Variants in MCTP2 observed in about 807,000 individuals in gnomAD.
MCTP2 encodes multiple C2 and transmembrane domain-containing protein 2.
MCTP2 carries 132 observed loss-of-function variants against 111.6 expected under a neutral mutation model. The observed-to-expected ratio is 1.18, with a 90% CI of 1.03 to 1.37. The LOEUF (loss-of-function observed/expected upper bound fraction) is 1.37. MCTP2 is among the 40% of genes most tolerant of loss of function. The probability of loss-of-function intolerance (pLI) is 0.00; values close to 1 mark genes in which losing one functional copy is unlikely to be tolerated. For missense variants in MCTP2, 1,183 were observed against 1,067.9 expected (o/e 1.11, Z -1.50); for synonymous variants, 395 against 387.7 (o/e 1.02, Z -0.22).
intron 4 of MCTP2, among the ~76,000 whole-genome samples, chr15:94,318,506 C>T (rs1194237703): frequency 6.6e-6 from 1 of 152,082 alleles, no homozygotes; most frequent in Non-Finnish European, 1.5e-5. Context: ...AACTCCTGAC[C>T]TTGTGATCTG....
At chr15:94,360,750 A>C (rs2078885814) in intron 10 of MCTP2, among the ~76,000 whole-genome samples, 1 of 151,742 alleles carries the variant, frequency 6.6e-6, no homozygotes, top group Non-Finnish European at 1.5e-5. Flanking sequence ...ATGTTTTGTC[A>C]TTTGGGTGTT....
At chr15:94,323,959 A>G (rs144414385) in intron 4 of MCTP2, among the ~76,000 whole-genome samples, 112 of 152,180 alleles carry the variant, frequency 7.4e-4, no homozygotes, top group Non-Finnish European at 1.3e-3. Context: ...GTTATACAAG[A>G]TGTATTGTTT....
intron 12 of MCTP2, among the ~76,000 whole-genome samples, chr15:94,372,520 G>A (rs540006911): frequency 1.2e-4 from 18 of 152,306 alleles, no homozygotes; most frequent in African/African-American, 2.2e-4. Context: ...GTCAGCGATC[G>A]TGGCCTACGG....
At chr15:94,296,107 A>C (rs145200406) in intron 1 of MCTP2, among the ~76,000 whole-genome samples, 6 of 152,058 alleles carry the variant, frequency 3.9e-5, no homozygotes, top group Admixed American at 2.6e-4. Flanking sequence ...CTGGTTTGAC[A>C]CTTCCCATTT....
rs28432825 is a variant in MCTP2 at position 94,340,387 on chromosome 15, T to A, written c.857+112T>A. ...GACAAAAATAACATATCTGAACAAA[T>A]GAAAGAGAGCTTTAAAGTGTTATAA... On this transcript the variant is annotated intron_variant, in intron 6 of 22. Coordinates refer to ENST00000357742, the MANE Select transcript of MCTP2 (RefSeq NM_001385001.1). 344 of 814,220 alleles carry A rather than the reference T, an allele frequency of 4.2e-4. 3 individuals are homozygous for A. In the African/African-American group the frequency reaches 4.9e-3, roughly 12 times the overall value. 50.4% of individuals were successfully genotyped at this position (814,220 alleles called of 1,614,324 possible).
intron 1 of MCTP2, among the ~76,000 whole-genome samples, chr15:94,244,106 G>T (rs2071460891): frequency 7.5e-6 from 1 of 132,464 alleles, no homozygotes; most frequent in African/African-American, 2.8e-5. Flanking sequence ...ACATACATAT[G>T]TGTATATGTT....
intron 10 of MCTP2, among the ~76,000 whole-genome samples, chr15:94,358,816 T>C (rs2078767667): frequency 6.6e-6 from 1 of 152,214 alleles, no homozygotes; most frequent in Non-Finnish European, 1.5e-5. Flanking sequence ...TCATTCAGTA[T>C]TGATTAAAAT....
At chr15:94,251,354 A>T (rs2072408788) in intron 1 of MCTP2, among the ~76,000 whole-genome samples, 1 of 138,346 alleles carries the variant, frequency 7.2e-6, no homozygotes, top group Non-Finnish European at 1.6e-5. Context: ...ATAACCTAAT[A>T]CGCATTTTGT....
chr15:94,254,721 A>G (rs573393875), intron 1 of MCTP2, among the ~76,000 whole-genome samples: 1 of 152,330 alleles, frequency 6.6e-6, no homozygotes, highest in African/African-American at 2.4e-5. Flanking sequence ...ACTGAGTTGG[A>G]GACATACTTG....
rs2074844827 is a variant in MCTP2 at position 94,483,810 on chromosome 15, T to G, written c.*4776T>G. On this transcript the variant is annotated 3_prime_UTR_variant, in exon 23 of 23. Transcript: ENST00000357742. ...TATGACAAGCCTCTCTGACACAGTT[T>G]ACCTATGTAACAAACCTGCACAGTT... 1 of 152,188 alleles carries G rather than the reference T, an allele frequency of 6.6e-6. No homozygotes were observed. The highest frequency in any genetic ancestry group is 1.5e-5 in the Non-Finnish European group (1 of 68,036). 9.4% of individuals were successfully genotyped at this position (152,188 alleles called of 1,614,324 possible). A position where few individuals can be genotyped will look rare whatever the true frequency, so the allele number is the denominator to read the frequency against.
chr15:94,296,057 CAT>C (rs1309073617), intron 1 of MCTP2, among the ~76,000 whole-genome samples: 1 of 152,170 alleles, frequency 6.6e-6, no homozygotes, highest in East Asian at 1.9e-4. Flanking sequence ...CTGAGTTTCT[CAT>C]AGTACCTGTC....
intron 8 of MCTP2, among the ~76,000 whole-genome samples, chr15:94,347,260 TGGTATTTTTA>T (rs1240491282): frequency 2.6e-5 from 4 of 152,144 alleles, no homozygotes; most frequent in Non-Finnish European, 5.9e-5. Context: ...GCCTATTTTT[TGGTATTTTTA>T]AATTATCAGG....
intron 7 of MCTP2, among the ~76,000 whole-genome samples, chr15:94,344,710 T>C (rs777844008): frequency 1.1e-4 from 17 of 152,216 alleles, no homozygotes; most frequent in Non-Finnish European, 2.1e-4. Flanking sequence ...TTTTCTAGCA[T>C]CTAAAACTAT....
chr15:94,394,166 C>T (rs1028375799), intron 14 of MCTP2, among the ~76,000 whole-genome samples: 1 of 151,818 alleles, frequency 6.6e-6, no homozygotes, highest in Non-Finnish European at 1.5e-5. Flanking sequence ...ATAGCCAGAC[C>T]ACCTAGGTTG....
chr15:94,402,133 C>A, intron 17 of MCTP2, 114 bp downstream of exon 17: 2 of 1,396,238 alleles, frequency 1.4e-6, no homozygotes, highest in South Asian at 1.5e-5. Context: ...TAAGACAGTA[C>A]TTAGGTCAAA....
At chr15:94,262,293 T>G (rs1056099922) in intron 1 of MCTP2, among the ~76,000 whole-genome samples, 2 of 152,188 alleles carry the variant, frequency 1.3e-5, no homozygotes, top group African/African-American at 2.4e-5. Context: ...GGAAAGTGTT[T>G]GAAGATTGTA....
intron 1 of MCTP2, among the ~76,000 whole-genome samples, chr15:94,266,774 C>T (rs2073560685): frequency 6.6e-6 from 1 of 152,128 alleles, no homozygotes; most frequent in Non-Finnish European, 1.5e-5. Flanking sequence ...CCCGTCTTGC[C>T]ATATAAAAGG....
chr15:94,379,740 T>C (rs958723043), intron 12 of MCTP2, among the ~76,000 whole-genome samples: 11 of 146,930 alleles, frequency 7.5e-5, no homozygotes, highest in African/African-American at 2.5e-4. Context: ...TGTAATATAA[T>C]ATATGATATA....
At chr15:94,399,663 G>C (rs2081459508) in intron 15 of MCTP2, 1 of 359,358 alleles carries the variant, frequency 2.8e-6, no homozygotes, top group Non-Finnish European at 5.0e-6. Context: ...TCTCTGCAGT[G>C]GTTGAAAATA....
Sources: allele counts gnomAD v4.1 joint callset (sites outside exome capture counted in the v4.1 genomes callset), GRCh38; gene constraint gnomAD v4.1.1; transcripts MANE v1.5; gene names NCBI Gene and HGNC (gene_info 2026-07-23, HGNC 2026-07-21).